Variants in TNIK observed in about 807,000 individuals in gnomAD.
The protein encoded by TNIK is TRAF2 and NCK interacting kinase.
Under a neutral mutation model 191.3 loss-of-function variants are expected in TNIK, and 49 were observed. That is an observed-to-expected ratio of 0.26 (90% CI 0.20 to 0.32). The LOEUF (loss-of-function observed/expected upper bound fraction) is 0.32. TNIK is among the 10% of genes least tolerant of loss of function. The pLI is 1.00. For synonymous variants in TNIK, 594 were observed against 600.9 expected (o/e 0.99, Z 0.17); for missense variants, 1,155 against 1,702.3 (o/e 0.68, Z 5.66).
chr3:171,164,883 T>C (rs978918918), intron 10 of TNIK, among the ~76,000 whole-genome samples: 4 of 152,222 alleles, frequency 2.6e-5, no homozygotes, highest in East Asian at 1.9e-4. Context: ...TAGGGTCTAA[T>C]TGACATCTTA....
At chr3:171,347,981 C>T (rs1449422801) in intron 2 of TNIK, among the ~76,000 whole-genome samples, 1 of 151,386 alleles carries the variant, frequency 6.6e-6, no homozygotes, top group East Asian at 1.9e-4. Context: ...GTAGATTCTT[C>T]TACCATCTTC....
intron 2 of TNIK, among the ~76,000 whole-genome samples, chr3:171,321,877 A>G (rs1263192274): frequency 6.6e-6 from 1 of 152,238 alleles, no homozygotes; most frequent in East Asian, 1.9e-4. Flanking sequence ...GCTAATTAGC[A>G]TAAATGTCAG....
chr3:171,394,678 T>A (rs1350648896), intron 1 of TNIK, among the ~76,000 whole-genome samples: 1 of 152,204 alleles, frequency 6.6e-6, no homozygotes, highest in Non-Finnish European at 1.5e-5. Context: ...CAAACAGGAT[T>A]TCAATTCTTG....
chr3:171,085,597 T>A (rs1323449804), intron 24 of TNIK, among the ~76,000 whole-genome samples: 1 of 152,174 alleles, frequency 6.6e-6, no homozygotes, highest in African/African-American at 2.4e-5. Flanking sequence ...AAAGCTGACA[T>A]AATTGGCAAT....
intron 27 of TNIK, among the ~76,000 whole-genome samples, chr3:171,081,413 A>G (rs1720658438): frequency 6.6e-6 from 1 of 151,470 alleles, no homozygotes; most frequent in Non-Finnish European, 1.5e-5. Flanking sequence ...TTGGCTGTAC[A>G]ATGGAAACAC....
In TNIK at chr3:171,128,887, C is replaced by CAAA. The variant is rs59293515; in HGVS notation, c.1609-12_1609-10dup. 4.6e-3 allele frequency: 5,624 copies of CAAA among 1,236,010 alleles called. 52 individuals are homozygous for CAAA. The highest frequency in any genetic ancestry group is 0.021 in the African/African-American group (1,013 of 48,952). 76.6% of individuals were successfully genotyped at this position (1,236,010 alleles called of 1,614,324 possible). ...CTTGACCGTTCTTCTACCTACAACC[C>CAAA]AAAAAAAAAAAAAAAAAAAAGACAG... is the stretch of plus-strand genomic sequence containing the variant. On this transcript the variant is annotated splice_polypyrimidine_tract_variant and intron_variant, in intron 15 of 32. Coordinates refer to ENST00000436636, the MANE Select transcript of TNIK (RefSeq NM_015028.4).
rs11324657 is a variant in TNIK at position 171,210,851 on chromosome 3, G to GAA, written c.306+263_306+264dup. 8.4e-3 allele frequency among the ~76,000 whole-genome samples: 1,107 copies of GAA among 131,388 alleles called. 5 individuals are homozygous for GAA. The highest frequency in any genetic ancestry group is 0.014 in the Non-Finnish European group (837 of 61,508). The allele number at this position is 131,388 out of a possible 152,430, so 86.2% of individuals were successfully genotyped here. A position where few individuals can be genotyped will look rare whatever the true frequency, so the allele number is the denominator to read the frequency against. ...ACACAATAAAAGGTTGTCAATTAGT[G>GAA]AAAAAAAAAAAAAAAAACAGAGAAC... On this transcript the variant is annotated intron_variant, in intron 4 of 32. Transcript: ENST00000436636.
intron 21 of TNIK, 80 bp downstream of exon 21, chr3:171,107,103 C>T: frequency 2.0e-6 from 3 of 1,469,918 alleles, no homozygotes; most frequent in Non-Finnish European, 2.8e-6. Flanking sequence ...CCATTGGCCA[C>T]CTTTCTGAAT....
At chr3:171,236,950 G>T (rs1744344861) in intron 2 of TNIK, among the ~76,000 whole-genome samples, 2 of 152,108 alleles carry the variant, frequency 1.3e-5, no homozygotes, top group Admixed American at 1.3e-4. Flanking sequence ...GGAAATAGAT[G>T]ATAATAATAA....
At chr3:171,153,554 G>A (rs1300264777) in intron 12 of TNIK, among the ~76,000 whole-genome samples, 1 of 152,098 alleles carries the variant, frequency 6.6e-6, no homozygotes, top group Non-Finnish European at 1.5e-5. Flanking sequence ...TCTGTCCAAA[G>A]CATCACACTC....
rs115073461 is a variant in TNIK at position 171,158,960 on chromosome 3, C to T, written c.1017-1296G>A. 5.9e-3 allele frequency among the ~76,000 whole-genome samples: 904 copies of T among 152,168 alleles called. 3 individuals are homozygous for T. Among genetic ancestry groups the T allele is most frequent in the Non-Finnish European group, 0.01 (690 of 68,018 alleles). ...ATTTTTGAGCAACTGAACACCAGCCCGGCTTCCCAGAGCAGAGTGAATGAG... is the reference window on the plus strand; with the variant it reads ...ATTTTTGAGCAACTGAACACCAGCCTGGCTTCCCAGAGCAGAGTGAATGAG... On this transcript the variant is annotated intron_variant, in intron 11 of 32. Transcript: ENST00000436636.
chr3:171,137,553 C>T (rs1435163276), intron 15 of TNIK, among the ~76,000 whole-genome samples: 1 of 152,044 alleles, frequency 6.6e-6, no homozygotes, highest in Non-Finnish European at 1.5e-5. Flanking sequence ...CCTTTTTTCC[C>T]TCCCATCCAA....
rs774299223 is a variant in TNIK, at chr3:171,460,041, C to A, written c.23G>T (p.Arg8Leu). 6.2e-6 allele frequency: 10 copies of A among 1,608,868 alleles called. No individual in the cohort carries two copies. Among genetic ancestry groups the A allele is most frequent in the Non-Finnish European group, 8.5e-6 (10 of 1,177,748 alleles). Reference sequence around the variant, plus strand: ...CGAGAGATCTATTTCATCCAGGCTTCGAGCCGGGGAGTCGCTCGCCATGTC... The same window carrying A: ...CGAGAGATCTATTTCATCCAGGCTTAGAGCCGGGGAGTCGCTCGCCATGTC... MASDSPA[R>L]SLDEIDLSAL... The change falls in exon 1 of 33, where the codon CGA (arginine) becomes CTA (leucine). Residue 8 changes from arginine to leucine, a missense_variant. By Grantham distance (102) the Arg-to-Leu change is moderately radical (BLOSUM62 -2). This residue lies in a region of TNIK where 225 missense variants were observed against 438.9 expected (regional missense o/e 0.51). Coordinates refer to ENST00000436636, the MANE Select transcript of TNIK (RefSeq NM_015028.4). This position sits in a 1 kb window ranked among gnomAD's most constrained non-coding sequence, Gnocchi z 6.8.
At chr3:171,132,018 TA>T (rs1485258118) in intron 15 of TNIK, among the ~76,000 whole-genome samples, 1 of 152,216 alleles carries the variant, frequency 6.6e-6, no homozygotes, top group African/African-American at 2.4e-5. Flanking sequence ...TACATGTGAT[TA>T]AAAACTGGGA....
intron 1 of TNIK, among the ~76,000 whole-genome samples, chr3:171,401,545 A>G (rs903783526): frequency 2.0e-5 from 3 of 151,996 alleles, no homozygotes; most frequent in Non-Finnish European, 4.4e-5. Context: ...AAGGTCAAGA[A>G]GTAGAGGGCT....
At chr3:171,112,580 C>G (rs943844734) in intron 18 of TNIK, among the ~76,000 whole-genome samples, 1 of 152,036 alleles carries the variant, frequency 6.6e-6, no homozygotes, top group Non-Finnish European at 1.5e-5. Flanking sequence ...CATGATCTCA[C>G]TTATGCGTGG....
chr3:171,347,228 A>G, intron 2 of TNIK: 1 of 1,526,228 alleles, frequency 6.6e-7, no homozygotes, highest in South Asian at 1.2e-5. Flanking sequence ...GCTGAAAAAA[A>G]AAAAAAAAGA....
At chr3:171,441,463 A>T (rs1258359034) in intron 1 of TNIK, among the ~76,000 whole-genome samples, 1 of 152,230 alleles carries the variant, frequency 6.6e-6, no homozygotes, top group Non-Finnish European at 1.5e-5. Context: ...AGGTTCATGC[A>T]TGCTGCAGCC....
intron 2 of TNIK, among the ~76,000 whole-genome samples, chr3:171,269,102 T>C (rs140003282): frequency 2.3e-3 from 344 of 152,268 alleles, no homozygotes; most frequent in African/African-American, 7.9e-3. Context: ...TTGAAAAACC[T>C]CAAAAATTTG....
Sources: allele counts gnomAD v4.1 joint callset (sites outside exome capture counted in the v4.1 genomes callset), GRCh38; gene constraint gnomAD v4.1.1; regional missense constraint gnomAD v4.1.1; non-coding constraint Gnocchi (gnomAD v3.1); transcripts MANE v1.5; gene names NCBI Gene and HGNC (gene_info 2026-07-23, HGNC 2026-07-21).